Variants in SHISA9 observed in about 807,000 individuals in gnomAD.
The protein encoded by SHISA9 is shisa family member 9, also known as protein shisa-9.
In SHISA9, 13 loss-of-function variants were observed where a neutral mutation model predicts 38.0. That is an observed-to-expected ratio of 0.34 (90% confidence interval 0.22 to 0.54). The LOEUF (loss-of-function observed/expected upper bound fraction) is 0.54. Among genes scored for constraint, SHISA9 ranks in the 20% least tolerant of loss-of-function variants. SHISA9 has a pLI of 0.91. For synonymous variants in SHISA9, 275 were observed against 242.0 expected, an observed-to-expected ratio of 1.14 and a Z score of -1.27; for missense variants, 538 against 575.8, an observed-to-expected ratio of 0.93 and a Z score of 0.67.
chr16:13,187,762 TG>T (rs1255490632), intron 2 of SHISA9, among the ~76,000 whole-genome samples: 7 of 152,260 alleles, frequency 4.6e-5, no homozygotes, highest in Admixed American at 1.3e-4. Flanking sequence ...CAAAGCAAAA[TG>T]GGGAGATTTG....
chr16:13,299,644 C>T, the SHISA9 span, among the ~76,000 whole-genome samples: 10 of 149,274 alleles, frequency 6.7e-5, no homozygotes, highest in East Asian at 8.0e-4. Flanking sequence ...AACTGGGAGG[C>T]GGAGGTTGCA....
intron 2 of SHISA9, among the ~76,000 whole-genome samples, chr16:13,120,659 G>A (rs993976631): frequency 1.3e-5 from 2 of 152,182 alleles, no homozygotes; most frequent in African/African-American, 4.8e-5. Flanking sequence ...GCCCTGGAAG[G>A]TTGGCAAAGA....
intron 2 of SHISA9, among the ~76,000 whole-genome samples, chr16:12,940,216 G>T (rs2071591402): frequency 6.6e-6 from 1 of 152,132 alleles, no homozygotes; most frequent in African/African-American, 2.4e-5. Flanking sequence ...GGGCTTGGGG[G>T]CCCATCTTGC....
chr16:13,168,152 A>T (rs189300674), intron 2 of SHISA9, among the ~76,000 whole-genome samples: 1 of 152,218 alleles, frequency 6.6e-6, no homozygotes, highest in East Asian at 1.9e-4. Flanking sequence ...CAAACTAACC[A>T]ATCCAAAGCC....
At chr16:13,455,662 G>A in the SHISA9 span, among the ~76,000 whole-genome samples, 2 of 152,176 alleles carry the variant, frequency 1.3e-5, no homozygotes, top group African/African-American at 4.8e-5. Flanking sequence ...ATGAAGCTAA[G>A]TGCCCAATTC....
chr16:13,170,970 G>A (rs548372088), intron 2 of SHISA9, among the ~76,000 whole-genome samples: 2 of 152,038 alleles, frequency 1.3e-5, no homozygotes, highest in Admixed American at 1.3e-4. Flanking sequence ...AATAAAAGTT[G>A]AAGGAAAAAA....
Position 13,237,918 on chromosome 16 carries a change from C to G in SHISA9, c.*2509C>G, listed in dbSNP as rs2051401580. On this transcript the variant is annotated 3_prime_UTR_variant, in exon 5 of 5. Coordinates refer to ENST00000558583, the MANE Select transcript of SHISA9 (RefSeq NM_001145204.3). ...TATATCACCTTCACAATATTTGTAT[C>G]TAAATTGATTCATTTTAATGCATTT... is the stretch of plus-strand genomic sequence containing the variant. The G allele has an allele frequency of 6.6e-6, 1 of 152,056 alleles. No homozygotes were observed. Among genetic ancestry groups the G allele is most frequent in the Non-Finnish European group, 1.5e-5 (1 of 68,016 alleles). The allele number at this position is 152,056 out of a possible 1,614,324, so 9.4% of individuals were successfully genotyped here. A position where few individuals can be genotyped will look rare whatever the true frequency, so the allele number is the denominator to read the frequency against.
At chr16:13,014,495 A>T (rs1420161582) in intron 2 of SHISA9, among the ~76,000 whole-genome samples, 2 of 152,328 alleles carry the variant, frequency 1.3e-5, no homozygotes, top group African/African-American at 4.8e-5. Context: ...ACTGTCTTTC[A>T]ATTGTGCTTA....
intron 2 of SHISA9, among the ~76,000 whole-genome samples, chr16:13,168,407 A>G (rs1198535789): frequency 6.6e-6 from 1 of 152,144 alleles, no homozygotes; most frequent in Non-Finnish European, 1.5e-5. Context: ...GGCCTCCAAC[A>G]TTACCATATC....
intron 2 of SHISA9, among the ~76,000 whole-genome samples, chr16:13,065,824 C>T (rs886295680): frequency 6.6e-6 from 1 of 152,228 alleles, no homozygotes; most frequent in African/African-American, 2.4e-5. Context: ...GCAGGTCTTT[C>T]ATCACTCTGA....
At chr16:13,437,655 G>A in the SHISA9 span, among the ~76,000 whole-genome samples, 1 of 151,750 alleles carries the variant, frequency 6.6e-6, no homozygotes, top group East Asian at 1.9e-4. Flanking sequence ...AATTCCCTCT[G>A]CTGTGAACTC....
Position 12,982,116 on chromosome 16 carries a change from C to T in SHISA9, c.691+65301C>T, listed in dbSNP as rs2072247462. ...CTTTACAAATGGAAACACTGAGGTA[C>T]AGAGAGGTTAAGAAACTTCCTCTGA... On this transcript the variant is annotated intron_variant, in intron 2 of 4. Transcript: ENST00000558583. Among the ~76,000 whole-genome samples the T allele has an allele frequency of 3.9e-5, 6 of 152,272 alleles. No homozygotes were observed. The South Asian group carries it at 1.2e-3, about 32-fold the overall frequency.
the SHISA9 span, among the ~76,000 whole-genome samples, chr16:13,331,028 G>T: frequency 6.6e-6 from 1 of 152,226 alleles, no homozygotes; most frequent in East Asian, 1.9e-4. Context: ...TTGCCACCTT[G>T]AATAACCACA....
chr16:13,137,898 GTT>G (rs1204826690), intron 2 of SHISA9, among the ~76,000 whole-genome samples: 1 of 152,050 alleles, frequency 6.6e-6, no homozygotes, highest in Admixed American at 6.6e-5. Context: ...TTCTCACTCT[GTT>G]TTCATGGCTA....
the SHISA9 span, among the ~76,000 whole-genome samples, chr16:13,306,189 T>A: frequency 6.6e-6 from 1 of 152,112 alleles, no homozygotes; most frequent in Non-Finnish European, 1.5e-5. Context: ...GCAAGACCAA[T>A]TGAGATACAG....
At chr16:13,526,425 C>T in the SHISA9 span, among the ~76,000 whole-genome samples, 1 of 152,112 alleles carries the variant, frequency 6.6e-6, no homozygotes, top group Non-Finnish European at 1.5e-5. Flanking sequence ...GCTCTGTTGC[C>T]CAGGCTAGAG....
intron 2 of SHISA9, among the ~76,000 whole-genome samples, chr16:13,032,014 T>TC (rs1441597945): frequency 6.6e-6 from 1 of 152,156 alleles, no homozygotes; most frequent in Non-Finnish European, 1.5e-5. Context: ...CTTTTTTTTT[T>TC]TTCAAATTTT....
At chr16:13,183,273 G>C (rs954526880) in intron 2 of SHISA9, among the ~76,000 whole-genome samples, 1 of 152,198 alleles carries the variant, frequency 6.6e-6, no homozygotes, top group Non-Finnish European at 1.5e-5. Context: ...GAGATATTGT[G>C]ATGGTCATCT....
the SHISA9 span, among the ~76,000 whole-genome samples, chr16:13,262,631 TGGAAGGAA>T: frequency 0.024 from 1,840 of 77,988 alleles, 87 homozygotes; most frequent in Non-Finnish European, 0.029. Flanking sequence ...ATTGTTATTG[TGGAAGGAA>T]GGAAGGAAGG....
Sources: allele counts gnomAD v4.1 joint callset (sites outside exome capture counted in the v4.1 genomes callset), GRCh38; gene constraint gnomAD v4.1.1; transcripts MANE v1.5; gene names NCBI Gene and HGNC (gene_info 2026-07-23, HGNC 2026-07-21).